CCDC57: variants seen among roughly 807,000 people sequenced by gnomAD.
The protein encoded by CCDC57 is coiled-coil domain containing 57, also known as coiled-coil domain-containing protein 57.
Under a neutral mutation model 118.9 loss-of-function variants are expected in CCDC57, and 118 were observed. The ratio of observed to expected loss-of-function variants is 0.99; its 90% confidence interval spans 0.86 to 1.16. The LOEUF is 1.16. Among genes scored for constraint, CCDC57 ranks in the 50% most tolerant of loss-of-function variants. The probability of loss-of-function intolerance (pLI) is 0.00; values close to 1 mark genes in which losing one functional copy is unlikely to be tolerated. For missense variants in CCDC57, 1,300 were observed against 1,320.7 expected (o/e 0.98, Z 0.24); for synonymous variants, 527 against 532.9 (o/e 0.99, Z 0.15).
Position 82,101,796 on chromosome 17 carries a change from C to T in CCDC57, c.2970G>A (p.Met990Ile), listed in dbSNP as rs751940992. Residue 990 changes from methionine (M) to isoleucine (I), a missense_variant, in exon 20 of 20, where the codon ATG (methionine) becomes ATA (isoleucine). Met to Ile is a conservative substitution (Grantham distance 10). Coordinates refer to ENST00000665763, the Ensembl canonical transcript of CCDC57. The stretch of plus-strand genomic sequence containing the variant: ...TGGCCTTTGCCTGGGCTGCTGTCTT[C>T]ATCCCTGGGGTGGCAATGCCTGCCT... 9 of 1,607,544 alleles carry T rather than the reference C, an allele frequency of 5.6e-6. No homozygotes were observed. The South Asian group carries it at 7.8e-5, about 14-fold the overall frequency.
At chr17:82,171,319 G>A (rs2044693115) in intron 13 of CCDC57, among the ~76,000 whole-genome samples, 1 of 146,428 alleles carries the variant, frequency 6.8e-6, no homozygotes, top group Non-Finnish European at 1.5e-5. Context: ...GGGCTCTGGA[G>A]GTAGCTCCAG....
At chr17:82,147,686 T>C (rs1465668925) in intron 16 of CCDC57, among the ~76,000 whole-genome samples, 1 of 128,180 alleles carries the variant, frequency 7.8e-6, no homozygotes, top group Non-Finnish European at 1.6e-5. Context: ...AATGGATGAA[T>C]GGGTGGGTGG....
At chr17:82,208,986 T>C (rs533997931) in intron 1 of CCDC57, among the ~76,000 whole-genome samples, 33 of 152,278 alleles carry the variant, frequency 2.2e-4, no homozygotes, top group Admixed American at 6.5e-4. Context: ...GCTCAAGCGA[T>C]CTTCCCACGT....
At chr17:82,211,900 G>A (rs1196690173) in intron 1 of CCDC57, among the ~76,000 whole-genome samples, 2 of 152,132 alleles carry the variant, frequency 1.3e-5, no homozygotes, top group Admixed American at 1.3e-4. Flanking sequence ...ATCACTTTGT[G>A]ATAATTTAAG....
chr17:82,178,594 CT>C lies in CCDC57; in HGVS notation c.1385del (p.Lys462SerfsTer16). On this transcript the variant is annotated frameshift_variant, in exon 11 of 20. Transcript: ENST00000665763. LOFTEE classifies it high-confidence loss of function. ...GTAGCGCCTGCTCTGTCTCCTGCAGCTTGGCAGCAACCTGGGAAAAACGCTG... is the reference window on the plus strand; with the variant it reads ...GTAGCGCCTGCTCTGTCTCCTGCAGCTGGCAGCAACCTGGGAAAAACGCTG... 6.2e-7 allele frequency: 1 copy of C among 1,612,346 alleles called. No homozygotes were observed. Among genetic ancestry groups the C allele is most frequent in the Non-Finnish European group, 8.5e-7 (1 of 1,179,832 alleles).
intron 19 of CCDC57, chr17:82,113,863 T>C (rs1405157047): frequency 3.5e-6 from 2 of 577,954 alleles, no homozygotes; most frequent in African/African-American, 1.9e-5. Context: ...GGAGGATCAC[T>C]TGAGCCTGGA....
intron 16 of CCDC57, among the ~76,000 whole-genome samples, chr17:82,147,760 A>G (rs1188850111): frequency 5.4e-5 from 4 of 74,422 alleles, no homozygotes; most frequent in Admixed American, 2.1e-4. Flanking sequence ...GGATGGATGG[A>G]TGGGTTGGTG....
rs377405535 is a variant in CCDC57, at chr17:82,194,169, A to T, written c.619-30T>A. The T allele has an allele frequency of 8.6e-5, 137 of 1,597,542 alleles. No individual in the cohort carries two copies. In the African/African-American group the frequency reaches 1.7e-3, roughly 20 times the overall value. On this transcript the variant is annotated intron_variant, in intron 5 of 19. Coordinates refer to ENST00000665763, the Ensembl canonical transcript of CCDC57. ...GAATGATAAAAATGAGTTCAAAATGAGGTGATAATTAGAAGACACTGAGGC... is the reference window on the plus strand; with the variant it reads ...GAATGATAAAAATGAGTTCAAAATGTGGTGATAATTAGAAGACACTGAGGC...
intron 16 of CCDC57, among the ~76,000 whole-genome samples, chr17:82,145,497 A>G (rs956390470): frequency 2.6e-5 from 4 of 152,028 alleles, no homozygotes; most frequent in Non-Finnish European, 5.9e-5. Context: ...CAGTGAGCCG[A>G]GATCGCACCA....
intron 19 of CCDC57, among the ~76,000 whole-genome samples, chr17:82,120,781 AGTCTC>A (rs1403778362): frequency 6.6e-6 from 1 of 151,414 alleles, no homozygotes; most frequent in East Asian, 2.0e-4. Context: ...TTTGAGATGG[AGTCTC>A]ACTCTGTCGC....
chr17:82,151,165 A>G (rs1400406699), intron 16 of CCDC57, among the ~76,000 whole-genome samples: 1 of 66,020 alleles, frequency 1.5e-5, no homozygotes, highest in Non-Finnish European at 3.0e-5. Context: ...AACCAGGCGC[A>G]CACCCAGAAC....
chr17:82,130,383 T>C (rs939012544), intron 17 of CCDC57, among the ~76,000 whole-genome samples: 1 of 151,074 alleles, frequency 6.6e-6, no homozygotes, highest in Non-Finnish European at 1.5e-5. Context: ...TCAGTAGAGA[T>C]GGAGTTTTGC....
At chr17:82,103,056 T>G (rs1775086760) in intron 19 of CCDC57, among the ~76,000 whole-genome samples, 1 of 152,064 alleles carries the variant, frequency 6.6e-6, no homozygotes, top group South Asian at 2.1e-4. Context: ...GGCCAACGCC[T>G]CCTGCTGGAG....
intron 19 of CCDC57, among the ~76,000 whole-genome samples, chr17:82,119,892 A>G (rs1319619311): frequency 2.6e-5 from 4 of 152,126 alleles, no homozygotes; most frequent in Non-Finnish European, 5.9e-5. Context: ...TCCAGGGTGT[A>G]TGGGGGAGCC....
At position 82,192,497 on chromosome 17, in the gene CCDC57, T is replaced by C. The variant is rs1415986262; in HGVS notation, c.851+1259A>G. ...TAAGCATCAACTGTATTTCAATTTA[T>C]GATTTTGAAAAATGCCAGGTGTAGA... On this transcript the variant is annotated intron_variant, in intron 7 of 19. Coordinates refer to ENST00000665763, the Ensembl canonical transcript of CCDC57. This position sits in a 1 kb window ranked among gnomAD's most constrained non-coding sequence, Gnocchi z 4.0. Among the ~76,000 whole-genome samples, 1 of 152,238 alleles carries C rather than the reference T, an allele frequency of 6.6e-6. No individual in the cohort carries two copies. Among genetic ancestry groups the C allele is most frequent in the African/African-American group, 2.4e-5 (1 of 41,464 alleles).
intron 7 of CCDC57, among the ~76,000 whole-genome samples, chr17:82,193,114 A>G (rs920130662): frequency 6.6e-6 from 1 of 152,188 alleles, no homozygotes; most frequent in Non-Finnish European, 1.5e-5. Context: ...GCTGGAGTAC[A>G]GTGGCACAAT....
chr17:82,189,688 A>T (rs1026613671), intron 7 of CCDC57, among the ~76,000 whole-genome samples: 67 of 152,046 alleles, frequency 4.4e-4, no homozygotes, highest in Non-Finnish European at 6.8e-4. Flanking sequence ...AGTCTCCACT[A>T]AAAAAAATAC....
At chr17:82,146,256 T>C (rs534675433) in intron 16 of CCDC57, among the ~76,000 whole-genome samples, 4 of 152,354 alleles carry the variant, frequency 2.6e-5, no homozygotes, top group African/African-American at 9.6e-5. Context: ...CATTCTGTAC[T>C]ACTTAATGAT....
chr17:82,176,811 T>C lies in CCDC57; in HGVS notation c.1506+1663A>G, dbSNP rs539037207. Reference sequence around the variant, plus strand: ...TGATGGAAGGCAGGTAACTCCTTTATGGAGTTTGCACTCACTTCCAACAGG... The same window carrying C: ...TGATGGAAGGCAGGTAACTCCTTTACGGAGTTTGCACTCACTTCCAACAGG... On this transcript the variant is annotated intron_variant, in intron 11 of 19. Transcript: ENST00000665763. 7.9e-5 allele frequency among the ~76,000 whole-genome samples: 12 copies of C among 151,902 alleles called. No homozygotes were observed. In the East Asian group the frequency reaches 2.3e-3, roughly 30 times the overall value.
Sources: gnomAD v4.1 joint callset for allele counts (sites outside exome capture counted in the v4.1 genomes callset) on GRCh38, gnomAD v4.1.1 for gene constraint, Gnocchi (gnomAD v3.1) non-coding constraint, MANE v1.5 for transcripts, NCBI Gene and HGNC (gene_info 2026-07-23, HGNC 2026-07-21) for gene names.